Variants in DIAPH3 observed in about 807,000 individuals in gnomAD.
The protein encoded by DIAPH3 is protein diaphanous homolog 3.
Under a neutral mutation model 144.3 loss-of-function variants are expected in DIAPH3, and 117 were observed. The ratio of observed to expected loss-of-function variants is 0.81; its 90% CI spans 0.70 to 0.95. DIAPH3 has a LOEUF of 0.95. DIAPH3 is among the 40% of genes least tolerant of loss of function. The pLI is 0.00. For synonymous variants in DIAPH3, 519 were observed against 488.9 expected, an observed-to-expected ratio of 1.06 and a Z score of -0.81; for missense variants, 1,421 against 1,412.7, an observed-to-expected ratio of 1.01 and a Z score of -0.09.
At chr13:60,084,955 T>A (rs955470951) in intron 4 of DIAPH3, among the ~76,000 whole-genome samples, 5 of 149,800 alleles carry the variant, frequency 3.3e-5, no homozygotes, top group African/African-American at 1.2e-4. Context: ...TATTAAGGAT[T>A]TTTTTTTAAG....
chr13:60,107,126 T>C (rs1025852902), intron 3 of DIAPH3, among the ~76,000 whole-genome samples: 1 of 152,102 alleles, frequency 6.6e-6, no homozygotes. Flanking sequence ...ATTGTGGTCA[T>C]ATAGAAGGAA....
chr13:60,046,477 A>C (rs146509928), intron 4 of DIAPH3, among the ~76,000 whole-genome samples: 2 of 152,132 alleles, frequency 1.3e-5, no homozygotes, highest in Non-Finnish European at 2.9e-5. Flanking sequence ...GAAACAACAG[A>C]TGCTGGAGAG....
At position 59,897,819 on chromosome 13, in the gene DIAPH3, A is replaced by C. The variant is rs1418767829; in HGVS notation, c.2367+13916T>G. On this transcript the variant is annotated intron_variant, in intron 20 of 27. Transcript: ENST00000400324. The stretch of plus-strand genomic sequence containing the variant: ...AACTGGATCACAATAGATGAGAAGA[A>C]AAAAGTGTAAAATAAAAATAAGAGA... 2.0e-5 allele frequency among the ~76,000 whole-genome samples: 3 copies of C among 151,362 alleles called. No individual in the cohort carries two copies. In the East Asian group the frequency reaches 5.9e-4, roughly 30 times the overall value.
chr13:60,130,003 A>G (rs1004430267), intron 2 of DIAPH3, among the ~76,000 whole-genome samples: 1 of 152,220 alleles, frequency 6.6e-6, no homozygotes, highest in African/African-American at 2.4e-5. Context: ...CAACATACTT[A>G]AACTTAAGAA....
At chr13:60,154,694 A>G (rs569958179) in intron 1 of DIAPH3, among the ~76,000 whole-genome samples, 1 of 152,318 alleles carries the variant, frequency 6.6e-6, no homozygotes, top group African/African-American at 2.4e-5. Flanking sequence ...ACTGAAAGAA[A>G]AGTTACCTTT....
intron 24 of DIAPH3, among the ~76,000 whole-genome samples, chr13:59,828,965 A>G (rs1400380553): frequency 6.6e-6 from 1 of 151,948 alleles, no homozygotes. Context: ...TCCTCAGAGA[A>G]GCTACAAGAT....
rs767063930 is a variant in DIAPH3 at position 59,781,043 on chromosome 13, T to C, written c.3164-6220A>G. ...AGTTTAAAGGACAGGAGAAAAAAGA[T>C]AAGTCAGTGATCCAGTAGGAACTCT... On this transcript the variant is annotated intron_variant, in intron 25 of 27. Transcript: ENST00000400324. 1.3e-5 allele frequency among the ~76,000 whole-genome samples: 2 copies of C among 152,362 alleles called. 1 individual carries two copies. The highest frequency in any genetic ancestry group is 4.1e-4 in the South Asian group (2 of 4,830).
intron 25 of DIAPH3, among the ~76,000 whole-genome samples, chr13:59,777,144 A>G (rs1374019671): frequency 6.6e-6 from 1 of 152,156 alleles, no homozygotes; most frequent in African/African-American, 2.4e-5. Flanking sequence ...AACTGAGGCC[A>G]AGAAAGTGTG....
chr13:59,774,629 C>A (rs958148654), intron 26 of DIAPH3, 99 bp downstream of exon 26: 13 of 1,166,208 alleles, frequency 1.1e-5, no homozygotes, highest in Non-Finnish European at 1.7e-5. Context: ...GCCCACGGCA[C>A]TGCATTCTTG....
chr13:60,031,328 C>T (rs568805555), intron 5 of DIAPH3, among the ~76,000 whole-genome samples: 9 of 152,200 alleles, frequency 5.9e-5, no homozygotes, highest in Admixed American at 2.0e-4. Context: ...ACCCATGATC[C>T]AAACACCTCC....
chr13:59,999,956 A>G (rs1298253166), intron 9 of DIAPH3, among the ~76,000 whole-genome samples: 1 of 152,212 alleles, frequency 6.6e-6, no homozygotes, highest in Non-Finnish European at 1.5e-5. Context: ...ACTCATAAGT[A>G]TTATAACTGA....
intron 2 of DIAPH3, among the ~76,000 whole-genome samples, chr13:60,118,596 C>T (rs2058756540): frequency 6.6e-6 from 1 of 152,164 alleles, no homozygotes; most frequent in Non-Finnish European, 1.5e-5. Flanking sequence ...TTACACGACG[C>T]TTAAGAGGGG....
At chr13:60,114,869 CT>C (rs962924471) in intron 2 of DIAPH3, among the ~76,000 whole-genome samples, 23 of 152,162 alleles carry the variant, frequency 1.5e-4, no homozygotes, top group African/African-American at 5.3e-4. Context: ...CTTTAAAGTG[CT>C]GAAAGAAAGG....
chr13:59,969,825 G>A (rs2140561812), intron 17 of DIAPH3, 119 bp downstream of exon 17: 1 of 568,814 alleles, frequency 1.8e-6, no homozygotes, highest in Admixed American at 3.4e-5. Context: ...TGCCCATTAG[G>A]AATGTAAAAA....
chr13:59,843,702 T>C (rs2042467190), intron 22 of DIAPH3, among the ~76,000 whole-genome samples: 1 of 152,234 alleles, frequency 6.6e-6, no homozygotes, highest in African/African-American at 2.4e-5. Flanking sequence ...TTGCACATTA[T>C]TTGCACATTA....
At chr13:59,703,334 C>G (rs1317732630) in intron 27 of DIAPH3, among the ~76,000 whole-genome samples, 1 of 152,140 alleles carries the variant, frequency 6.6e-6, no homozygotes, top group African/African-American at 2.4e-5. Context: ...TTAAAATTAA[C>G]TTCATCTGTT....
At chr13:60,154,420 T>A (rs1030836872) in intron 1 of DIAPH3, among the ~76,000 whole-genome samples, 1 of 152,114 alleles carries the variant, frequency 6.6e-6, no homozygotes, top group Admixed American at 6.5e-5. Context: ...CTGAGAGTGG[T>A]TCAAGTCACT....
chr13:59,732,064 C>T (rs946915311), intron 27 of DIAPH3, among the ~76,000 whole-genome samples: 3 of 151,948 alleles, frequency 2.0e-5, no homozygotes, highest in South Asian at 2.1e-4. Context: ...ATAGCCAAAG[C>T]GAGTTAATCT....
chr13:59,936,064 A>T (rs2048246611), intron 17 of DIAPH3, among the ~76,000 whole-genome samples: 1 of 152,230 alleles, frequency 6.6e-6, no homozygotes, highest in Admixed American at 6.5e-5. Flanking sequence ...ATGGACAGGA[A>T]TAAGAATCTC....
Sources: allele counts gnomAD v4.1 joint callset (sites outside exome capture counted in the v4.1 genomes callset), GRCh38; gene constraint gnomAD v4.1.1; transcripts MANE v1.5; gene names NCBI Gene and HGNC (gene_info 2026-07-23, HGNC 2026-07-21).